ADAMTS9: variants seen among roughly 807,000 people sequenced by gnomAD.
ADAMTS9 encodes ADAM metallopeptidase with thrombospondin type 1 motif 9, also known as A disintegrin and metalloproteinase with thrombospondin motifs 9.
Under a neutral mutation model 257.1 loss-of-function variants are expected in ADAMTS9, and 107 were observed. The observed-to-expected ratio is 0.42, with a 90% CI of 0.36 to 0.49. The LOEUF is 0.49. ADAMTS9 is among the 20% of genes least tolerant of loss of function. ADAMTS9 has a pLI of 0.03. For synonymous variants in ADAMTS9, 982 were observed against 880.9 expected, an observed-to-expected ratio of 1.11 and a Z score of -2.03; for missense variants, 2,353 against 2,469.1, an observed-to-expected ratio of 0.95 and a Z score of 1.00.
At chr3:64,654,678 T>G in intron 6 of ADAMTS9, 66 bp from the exon 7 acceptor site, 1 of 1,570,928 alleles carries the variant, frequency 6.4e-7, no homozygotes, top group South Asian at 1.1e-5. Flanking sequence ...AGTAAATACT[T>G]TAGGGTCGTC....
At chr3:64,617,187 T>C (rs896890027) in intron 19 of ADAMTS9, among the ~76,000 whole-genome samples, 1 of 152,212 alleles carries the variant, frequency 6.6e-6, no homozygotes, top group African/African-American at 2.4e-5. Context: ...CTTCAGGAAG[T>C]GTGGCAAAAA....
intron 27 of ADAMTS9, among the ~76,000 whole-genome samples, chr3:64,595,083 A>AACAAG (rs1165839626): frequency 6.6e-6 from 1 of 151,784 alleles, no homozygotes; most frequent in Non-Finnish European, 1.5e-5. Flanking sequence ...ACCAAACCAA[A>AACAAG]ACAAAACAAA....
intron 25 of ADAMTS9, among the ~76,000 whole-genome samples, chr3:64,602,757 C>T (rs1319971579): frequency 1.3e-5 from 2 of 152,214 alleles, no homozygotes; most frequent in Non-Finnish European, 2.9e-5. Context: ...TCTAAAAGCA[C>T]ATCCCATCTT....
intron 28 of ADAMTS9, among the ~76,000 whole-genome samples, chr3:64,569,635 G>GCT (rs1553704273): frequency 1.5e-5 from 2 of 134,524 alleles, no homozygotes; most frequent in Non-Finnish European, 3.0e-5. Flanking sequence ...TACCAAGCAT[G>GCT]CTCAGTTATC....
Position 64,561,581 on chromosome 3 carries a change from T to C in ADAMTS9, c.4695A>G (p.Gln1565=). 6.2e-7 allele frequency: 1 copy of C among 1,612,880 alleles called. No individual in the cohort carries two copies. ...PLYTWRAEEW[Q]ECTKTCGEGS... is the part of the protein sequence containing the mutation. ...ACCCCTTTGTGGCTCTACTTACTTC[T>C]TGCCATTCCTCTGCCCTCCAAGTGT... The change falls in exon 30 of 40, where the codon CAA becomes CAG. Residue 1565 remains glutamine (Q), a synonymous_variant. Coordinates refer to ENST00000498707, the MANE Select transcript of ADAMTS9 (RefSeq NM_182920.2).
intron 14 of ADAMTS9, 124 bp from the exon 15 acceptor site, chr3:64,632,049 GA>G (rs1483831164): frequency 1.4e-6 from 1 of 738,146 alleles, no homozygotes; most frequent in Non-Finnish European, 2.2e-6. Flanking sequence ...TTAAAACTTG[GA>G]AAGGTTGAAA....
intron 39 of ADAMTS9, among the ~76,000 whole-genome samples, chr3:64,517,564 T>G (rs1411136720): frequency 1.3e-5 from 2 of 151,402 alleles, no homozygotes; most frequent in African/African-American, 2.4e-5. Flanking sequence ...GGCCCTAGAT[T>G]TTAAAAGTAA....
rs9985304 is a variant in ADAMTS9, at chr3:64,604,175, A to G, written c.3579+52T>C. The G allele has an allele frequency of 0.38, 604,414 of 1,597,232 alleles. 117,921 individuals are homozygous for G. Among genetic ancestry groups the G allele is most frequent in the African/African-American group, 0.55 (40,706 of 74,556 alleles). ...AGCCCACTTTCTATAGCCATGTCTGAGAATGTTAGCCCCCATCCTGCCCTC... is the reference window on the plus strand; with the variant it reads ...AGCCCACTTTCTATAGCCATGTCTGGGAATGTTAGCCCCCATCCTGCCCTC... On this transcript the variant is annotated intron_variant, in intron 24 of 39. Transcript: ENST00000498707.
intron 25 of ADAMTS9, 39 bp from the exon 26 acceptor site, chr3:64,602,252 T>C (rs2084477166): frequency 9.4e-6 from 15 of 1,601,974 alleles, no homozygotes; most frequent in Non-Finnish European, 1.3e-5. Context: ...GTCAGTCATT[T>C]GGTGGAGGGG....
chr3:64,580,692 A>C (rs1559775433), intron 28 of ADAMTS9, among the ~76,000 whole-genome samples: 2 of 152,252 alleles, frequency 1.3e-5, no homozygotes, highest in African/African-American at 4.8e-5. Flanking sequence ...ATGTAAAAAA[A>C]GATCCTATTC....
Position 64,687,581 on chromosome 3 carries a change from G to T in ADAMTS9, c.77C>A (p.Ala26Glu). Residue 26 changes from alanine (A) to glutamate (E), a missense_variant, in exon 1 of 40, where the codon GCG (alanine) becomes GAG (glutamate). This residue lies in a region of ADAMTS9 where 591 missense variants were observed against 569.6 expected (regional missense o/e 1.04). Transcript: ENST00000498707. The surrounding 1 kb of genome is among the most constrained non-coding windows in gnomAD (Gnocchi z 4.4). The part of the protein sequence containing the change: ...DLAEMGSPDA[A>E]AAVRKDRLHP... ...CAGCCTGTCCTTGCGCACGGCCGCC[G>T]CGGCGTCTGGGCTCCCCATCTCGGC... 1.3e-6 allele frequency: 2 copies of T among 1,574,348 alleles called. No homozygotes were observed. The highest frequency in any genetic ancestry group is 1.7e-6 in the Non-Finnish European group (2 of 1,161,144).
chr3:64,594,773 T>C (rs2084331559), intron 27 of ADAMTS9, among the ~76,000 whole-genome samples: 1 of 152,164 alleles, frequency 6.6e-6, no homozygotes, highest in Non-Finnish European at 1.5e-5. Flanking sequence ...TCCAATCTGT[T>C]AGCAAGTAAC....
At chr3:64,603,435 T>C (rs1178528775) in intron 25 of ADAMTS9, among the ~76,000 whole-genome samples, 2 of 152,120 alleles carry the variant, frequency 1.3e-5, no homozygotes, top group Non-Finnish European at 2.9e-5. Context: ...AACCCATAGA[T>C]AGTGCTTGGT....
chr3:64,556,759 T>A (rs1434373839), intron 30 of ADAMTS9, among the ~76,000 whole-genome samples: 3 of 151,466 alleles, frequency 2.0e-5, no homozygotes, highest in African/African-American at 7.3e-5. Flanking sequence ...CCTTCCTCCC[T>A]CCCTTTCTTC....
At position 64,533,235 on chromosome 3, in the gene ADAMTS9, C is replaced by G. The variant is rs75062977; in HGVS notation, c.5649G>C (p.Leu1883Phe). ...RFSINLYGTG[L>F]SLTESARWIS... ...TCCATCTGGCAGATTCAGTTAAAGA[C>G]AAGCCGGTTCCATAAAGGTTGATGC... Residue 1883 changes from leucine (L) to phenylalanine (F), a missense_variant, in exon 38 of 40, where the codon TTG (leucine) becomes TTC (phenylalanine). By Grantham distance (22) the Leu-to-Phe change is conservative (BLOSUM62 0). Transcript: ENST00000498707. 1 of 1,613,658 alleles carries G rather than the reference C, an allele frequency of 6.2e-7. No individual in the cohort carries two copies. The highest frequency in any genetic ancestry group is 8.5e-7 in the Non-Finnish European group (1 of 1,179,788).
intron 3 of ADAMTS9, among the ~76,000 whole-genome samples, chr3:64,668,220 T>A (rs9835036): frequency 0.14 from 20,881 of 152,178 alleles, 2,062 homozygotes; most frequent in African/African-American, 0.28. Flanking sequence ...CACGTGAAAG[T>A]TAAGAATTTC....
At chr3:64,626,895 C>T (rs1042091689) in intron 16 of ADAMTS9, among the ~76,000 whole-genome samples, 3 of 152,106 alleles carry the variant, frequency 2.0e-5, no homozygotes, top group Admixed American at 1.3e-4. Flanking sequence ...TCCTGCAGCG[C>T]GAGACCCATC....
chr3:64,651,204 C>T (rs1197729140), intron 8 of ADAMTS9, 41 bp from the exon 9 acceptor site: 1 of 1,523,784 alleles, frequency 6.6e-7, no homozygotes, highest in East Asian at 2.4e-5. Context: ...CAATAAACAC[C>T]AAGGGATCAT....
intron 25 of ADAMTS9, 65 bp from the exon 26 acceptor site, chr3:64,602,278 T>G: frequency 6.4e-7 from 1 of 1,563,010 alleles, no homozygotes; most frequent in Non-Finnish European, 8.7e-7. Flanking sequence ...AATTCCTGAA[T>G]GTGCATTTCT....
Sources: allele counts gnomAD v4.1 joint callset (sites outside exome capture counted in the v4.1 genomes callset), GRCh38; gene constraint gnomAD v4.1.1; regional missense constraint gnomAD v4.1.1; non-coding constraint Gnocchi (gnomAD v3.1); transcripts MANE v1.5; gene names NCBI Gene and HGNC (gene_info 2026-07-23, HGNC 2026-07-21).